The following KIF26B variants were observed in gnomAD, a reference collection of about 807,000 sequenced individuals.
KIF26B encodes kinesin family member 26B, also known as kinesin-like protein KIF26B.
KIF26B carries 63 observed loss-of-function variants against 151.2 expected under a neutral mutation model. The observed-to-expected ratio is 0.42, with a 90% CI of 0.34 to 0.51. KIF26B has a LOEUF of 0.51. Ranked by LOEUF, KIF26B falls within the 20% of genes least tolerant of loss-of-function variation. The pLI is 0.07. For synonymous variants in KIF26B, 1,357 were observed against 1,262.1 expected, an observed-to-expected ratio of 1.08 and a Z score of -1.59; for missense variants, 2,813 against 2,913.6, an observed-to-expected ratio of 0.97 and a Z score of 0.79.
At chr1:245,390,949 AAAAC>A (rs767151374) in intron 3 of KIF26B, among the ~76,000 whole-genome samples, 13,349 of 93,012 alleles carry the variant, frequency 0.14, 2,436 homozygotes, top group Non-Finnish European at 0.22. Context: ...AAAAAAAAAA[AAAAC>A]CACCATAAAA....
At chr1:245,419,387 C>T (rs1170286779) in intron 3 of KIF26B, among the ~76,000 whole-genome samples, 192 bp from the exon 4 acceptor site, 2 of 152,112 alleles carry the variant, frequency 1.3e-5, no homozygotes, top group African/African-American at 4.8e-5. Flanking sequence ...TTAATGAAAA[C>T]GGGGAAGTAT....
At chr1:245,470,696 C>T (rs905349198) in intron 4 of KIF26B, among the ~76,000 whole-genome samples, 1 of 152,172 alleles carries the variant, frequency 6.6e-6, no homozygotes, top group African/African-American at 2.4e-5. Context: ...TCCCAAAGTG[C>T]TGGGATTACA....
At chr1:245,373,309 A>G (rs888748690) in intron 3 of KIF26B, among the ~76,000 whole-genome samples, 12 of 152,246 alleles carry the variant, frequency 7.9e-5, no homozygotes, top group African/African-American at 2.9e-4. Flanking sequence ...CCAAGGATTT[A>G]GGTGGAAACC....
intron 2 of KIF26B, among the ~76,000 whole-genome samples, chr1:245,249,535 C>T (rs914785983): frequency 2.2e-4 from 30 of 133,868 alleles, no homozygotes; most frequent in Middle Eastern, 6.3e-3. Flanking sequence ...TCGCCTAGGC[C>T]GGAGTGCAAT....
intron 9 of KIF26B, among the ~76,000 whole-genome samples, chr1:245,618,756 A>G (rs113713290): frequency 5.2e-3 from 400 of 76,564 alleles, no homozygotes; most frequent in Middle Eastern, 9.4e-3. Flanking sequence ...AGCCCTATTA[A>G]ACTATGGGTT....
Position 245,290,283 on chromosome 1 carries a change from AGTTCCGATCCAGACTCCATG to A in KIF26B, c.466-76550_466-76531del, listed in dbSNP as rs1269589185. On this transcript the variant is annotated intron_variant, in intron 2 of 14. Transcript: ENST00000407071. Reference sequence around the variant, plus strand: ...TCAGTACCTACTGTCACTGGAAAGGAGTTCCGATCCAGACTCCATGAGAGGGTTCTTGGATCTTATGCAAG... The same window carrying A: ...TCAGTACCTACTGTCACTGGAAAGGAAGAGGGTTCTTGGATCTTATGCAAG... Among the ~76,000 whole-genome samples the A allele has an allele frequency of 2.0e-5, 3 of 152,218 alleles. No homozygotes were observed. The East Asian group carries it at 5.8e-4, about 29-fold the overall frequency.
At chr1:245,436,832 A>G (rs1558165226) in intron 4 of KIF26B, among the ~76,000 whole-genome samples, 1 of 151,114 alleles carries the variant, frequency 6.6e-6, no homozygotes, top group South Asian at 2.1e-4. Context: ...TCAAGTGCAT[A>G]TTGAGACTGG....
rs1558282510 is a variant in KIF26B at position 245,703,139 on chromosome 1, TTTTCTC to T, written c.*536_*541del. 6.5e-6 allele frequency: 1 copy of T among 153,026 alleles called. No individual in the cohort carries two copies. Among genetic ancestry groups the T allele is most frequent in the African/African-American group, 2.4e-5 (1 of 41,456 alleles). The allele number at this position is 153,026 out of a possible 1,614,324, so 9.5% of individuals were successfully genotyped here. A position where few individuals can be genotyped will look rare whatever the true frequency, so the allele number is the denominator to read the frequency against. On this transcript the variant is annotated 3_prime_UTR_variant, in exon 15 of 15. Transcript: ENST00000407071. ...ATTTTGGAAATGTATTCACAGCTCT[TTTTCTC>T]TTGGTGTTTTATCCTATTTCTGACT...
At chr1:245,660,539 C>T (rs572488153) in intron 10 of KIF26B, among the ~76,000 whole-genome samples, 4 of 152,006 alleles carry the variant, frequency 2.6e-5, no homozygotes, top group African/African-American at 7.2e-5. Flanking sequence ...CAGGGTCTCA[C>T]TGTGTTGCCC....
At chr1:245,422,070 C>T (rs139245020) in intron 4 of KIF26B, among the ~76,000 whole-genome samples, 39 of 152,234 alleles carry the variant, frequency 2.6e-4, no homozygotes, top group African/African-American at 8.4e-4. Flanking sequence ...GACTTCAGAA[C>T]GACAAGGGCT....
intron 12 of KIF26B, among the ~76,000 whole-genome samples, chr1:245,696,094 C>T (rs2044690091): frequency 6.6e-6 from 1 of 152,264 alleles, no homozygotes; most frequent in African/African-American, 2.4e-5. Flanking sequence ...GTCTCTGCCT[C>T]CTGGTGTTCA....
intron 2 of KIF26B, among the ~76,000 whole-genome samples, chr1:245,251,872 A>T (rs1573734101): frequency 6.6e-6 from 1 of 151,958 alleles, no homozygotes; most frequent in Non-Finnish European, 1.5e-5. Flanking sequence ...TTCTGCCAAA[A>T]ATATATATAT....
chr1:245,676,197 A>T (rs2044355541), intron 10 of KIF26B: 1 of 152,226 alleles, frequency 6.6e-6, no homozygotes, highest in Non-Finnish European at 1.5e-5. Flanking sequence ...AAAATTTCTA[A>T]TATCGTACCT....
At chr1:245,427,426 T>G (rs984418181) in intron 4 of KIF26B, among the ~76,000 whole-genome samples, 1 of 152,114 alleles carries the variant, frequency 6.6e-6, no homozygotes, top group African/African-American at 2.4e-5. Flanking sequence ...TTGACCAACA[T>G]GGAGAAACCC....
chr1:245,189,922 G>A lies in KIF26B; in HGVS notation c.465+33239G>A, dbSNP rs1448712847. Among the ~76,000 whole-genome samples the A allele has an allele frequency of 2.6e-5, 4 of 152,212 alleles. No individual in the cohort carries two copies. The East Asian group carries it at 7.7e-4, about 29-fold the overall frequency. ...GCAGACAAGAGAGAAAGAGAGTGAA[G>A]TGAAAGAGGAGAACTCCTATGAGAC... On this transcript the variant is annotated intron_variant, in intron 2 of 14. Transcript: ENST00000407071.
chr1:245,395,118 CA>C (rs5782338), intron 3 of KIF26B, among the ~76,000 whole-genome samples: 99,294 of 152,048 alleles, frequency 0.65, 32,421 homozygotes, highest in South Asian at 0.71. Context: ...AGAGCTAGTT[CA>C]AAAGTAAGCA....
intron 2 of KIF26B, among the ~76,000 whole-genome samples, chr1:245,282,433 CG>C (rs1671074260): frequency 6.6e-6 from 1 of 152,182 alleles, no homozygotes; most frequent in Admixed American, 6.5e-5. Context: ...AAATGGAAGC[CG>C]TTAGAAACTG....
chr1:245,343,434 G>T (rs1474278159), intron 2 of KIF26B, among the ~76,000 whole-genome samples: 1 of 151,894 alleles, frequency 6.6e-6, no homozygotes, highest in African/African-American at 2.4e-5. Context: ...CTCTGCCAGG[G>T]TAATTATTAT....
intron 2 of KIF26B, among the ~76,000 whole-genome samples, chr1:245,269,807 T>C (rs1006627089): frequency 3.3e-5 from 5 of 152,138 alleles, no homozygotes; most frequent in Non-Finnish European, 7.4e-5. Flanking sequence ...TAATATTCCG[T>C]TGTCTGTATA....
Sources: allele counts gnomAD v4.1 joint callset (sites outside exome capture counted in the v4.1 genomes callset), GRCh38; gene constraint gnomAD v4.1.1; transcripts MANE v1.5; gene names NCBI Gene and HGNC (gene_info 2026-07-23, HGNC 2026-07-21).